The following DSE variants were observed in gnomAD, a reference collection of about 807,000 sequenced individuals.
DSE encodes dermatan-sulfate epimerase.
Under a neutral mutation model 84.4 loss-of-function variants are expected in DSE, and 36 were observed. The ratio of observed to expected loss-of-function variants is 0.43; its 90% CI spans 0.33 to 0.56. The LOEUF is 0.56. Ranked by LOEUF, DSE falls within the 20% of genes least tolerant of loss-of-function variation. The pLI, the probability that DSE is intolerant of heterozygous loss-of-function variation, is 0.06. For missense variants in DSE, 862 were observed against 1,169.6 expected (o/e 0.74, Z 3.84); for synonymous variants, 410 against 430.1 (o/e 0.95, Z 0.58).
At position 116,304,168 on chromosome 6, in the gene DSE, G is replaced by A. The variant is rs891845409; in HGVS notation, c.-54+45201G>A. Among the ~76,000 whole-genome samples the A allele has an allele frequency of 1.1e-4, 17 of 151,884 alleles. 1 individual carries two copies. The highest frequency in any genetic ancestry group is 4.1e-4 in the African/African-American group (17 of 41,376). On this transcript the variant is annotated intron_variant, in intron 2 of 3. Transcript: ENST00000430252. ...AAAAAAACAGAAACAGTGGGTCAGA[G>A]GAGGGGAAACGAAGGTCTCCTTAGT...
At chr6:116,398,839 G>A (rs1475364844) in intron 1 of DSE, among the ~76,000 whole-genome samples, 1 of 152,066 alleles carries the variant, frequency 6.6e-6, no homozygotes, top group African/African-American at 2.4e-5. Flanking sequence ...ACCAGCTTTT[G>A]GTTATTGTGG....
intron 2 of DSE, among the ~76,000 whole-genome samples, chr6:116,309,429 A>G (rs1370302190): frequency 6.6e-6 from 1 of 152,188 alleles, no homozygotes; most frequent in Non-Finnish European, 1.5e-5. Flanking sequence ...ATGTTTAACT[A>G]TGATGGTATT....
chr6:116,371,616 C>G (rs1323548149), intron 1 of DSE, among the ~76,000 whole-genome samples: 1 of 152,130 alleles, frequency 6.6e-6, no homozygotes, highest in Non-Finnish European at 1.5e-5. Context: ...CGCTGGCAAC[C>G]CTACTTTGCG....
intron 2 of DSE, among the ~76,000 whole-genome samples, chr6:116,264,934 GA>G (rs1772557234): frequency 6.6e-6 from 1 of 152,074 alleles, no homozygotes; most frequent in Non-Finnish European, 1.5e-5. Flanking sequence ...TCAAGGTTAG[GA>G]ATTCACTGTG....
At chr6:116,280,558 A>G (rs1773462798) in intron 2 of DSE, among the ~76,000 whole-genome samples, 1 of 152,258 alleles carries the variant, frequency 6.6e-6, no homozygotes, top group Non-Finnish European at 1.5e-5. Context: ...CACTGCAAGA[A>G]AGAGGAAATT....
chr6:116,282,931 T>A (rs552521372), intron 2 of DSE, among the ~76,000 whole-genome samples: 1 of 152,332 alleles, frequency 6.6e-6, no homozygotes, highest in South Asian at 2.1e-4. Context: ...TATTTTGCCA[T>A]ACAGGCAAAG....
intron 2 of DSE, among the ~76,000 whole-genome samples, chr6:116,404,290 A>G (rs1781780403): frequency 6.6e-6 from 1 of 152,232 alleles, no homozygotes; most frequent in African/African-American, 2.4e-5. Flanking sequence ...TAAGTTTACC[A>G]TATTTCACTT....
chr6:116,428,373 A>T (rs1051297017), intron 3 of DSE, among the ~76,000 whole-genome samples: 1 of 152,164 alleles, frequency 6.6e-6, no homozygotes, highest in African/African-American at 2.4e-5. Flanking sequence ...TTAAGCTACT[A>T]TAGTTTTATT....
chr6:116,424,744 G>A (rs1423960335), intron 2 of DSE, among the ~76,000 whole-genome samples: 1 of 152,190 alleles, frequency 6.6e-6, no homozygotes, highest in Non-Finnish European at 1.5e-5. Context: ...AAGAAAAGGG[G>A]AATTAAATAT....
At chr6:116,279,257 C>A in intron 2 of DSE, 1 of 1,607,602 alleles carries the variant, frequency 6.2e-7, no homozygotes, top group Non-Finnish European at 8.5e-7. Flanking sequence ...TGCTCCTCTA[C>A]CTCCATCTGC....
intron 1 of DSE, among the ~76,000 whole-genome samples, chr6:116,382,442 C>T (rs1227438498): frequency 6.6e-6 from 1 of 152,140 alleles, no homozygotes; most frequent in African/African-American, 2.4e-5. Context: ...TGGACATTGC[C>T]ATAAAGGGCT....
At position 116,444,641 on chromosome 6, in the gene DSE, A is replaced by T. The variant is rs1401868186; in HGVS notation, c.*7296A>T. 1 of 152,188 alleles carries T rather than the reference A, an allele frequency of 6.6e-6. No homozygotes were observed. The highest frequency in any genetic ancestry group is 1.5e-5 in the Non-Finnish European group (1 of 68,034). 9.4% of individuals were successfully genotyped at this position (152,188 alleles called of 1,614,324 possible). On this transcript the variant is annotated 3_prime_UTR_variant, in exon 6 of 6. Transcript: ENST00000644252. Reference sequence around the variant, plus strand: ...GATGTGGGGCCTTTGGAAAGTGATTAGGTTATGAAGGTGGAGCCCTCGTGA... The same window carrying T: ...GATGTGGGGCCTTTGGAAAGTGATTTGGTTATGAAGGTGGAGCCCTCGTGA...
At chr6:116,305,432 A>G (rs1366068243) in intron 2 of DSE, among the ~76,000 whole-genome samples, 2 of 152,244 alleles carry the variant, frequency 1.3e-5, no homozygotes, top group Non-Finnish European at 2.9e-5. Flanking sequence ...AGACTCAGGA[A>G]CTGTTCCAGA....
At position 116,399,616 on chromosome 6, in the gene DSE, C is replaced by T; in HGVS notation, c.366C>T (p.Ala122=). Residue 122 remains alanine (A), a synonymous_variant, in exon 2 of 6, where the codon GCC becomes GCT. Transcript: ENST00000644252. ...TGCTGTATCCTGAGAACATTGAAGC[C>T]CGAGACATGGCCAAAGACTACATGG... ...FCVLYPENIE[A]RDMAKDYMER... 6.2e-7 allele frequency: 1 copy of T among 1,614,166 alleles called. No homozygotes were observed. The highest frequency in any genetic ancestry group is 8.5e-7 in the Non-Finnish European group (1 of 1,180,032).
exon 2 of DSE, chr6:116,258,468 G>A (rs1000671520): frequency 1.0e-6 from 1 of 954,414 alleles, no homozygotes; most frequent in South Asian, 1.3e-5. Context: ...GGGCAGACAG[G>A]TTTATTGGGC....
At chr6:116,422,150 ATG>A (rs1562301202) in intron 2 of DSE, among the ~76,000 whole-genome samples, 1 of 152,196 alleles carries the variant, frequency 6.6e-6, no homozygotes, top group East Asian at 1.9e-4. Flanking sequence ...GTTATTTTGC[ATG>A]TGTGTTCACT....
chr6:116,399,494 C>A lies in DSE; in HGVS notation c.244C>A (p.Pro82Thr). 1 of 1,614,188 alleles carries A rather than the reference C, an allele frequency of 6.2e-7. No individual in the cohort carries two copies. ...GGCTGTGCACACGATGCTGTCCAGC[C>A]CCTTGGAATACCTCCCTCCCTGGGA... ...TEAVHTMLSS[P>T]LEYLPPWDPK... The change falls in exon 2 of 6, where the codon CCC becomes ACC. Residue 82 changes from proline to threonine, a missense_variant. Physicochemically the swap from Pro to Thr is conservative, Grantham distance 38 (BLOSUM62 -1). Around this residue, in one of 4 missense-constraint regions of DSE, gnomAD observed 309 missense variants for 516.9 expected, o/e 0.60. Transcript: ENST00000644252.
chr6:116,307,005 C>A (rs1386568186), intron 2 of DSE, among the ~76,000 whole-genome samples: 1 of 152,202 alleles, frequency 6.6e-6, no homozygotes, highest in African/African-American at 2.4e-5. Context: ...TTTGTTAGGG[C>A]AGCATGAGCA....
chr6:116,306,085 C>T (rs1408135446), intron 2 of DSE, among the ~76,000 whole-genome samples: 1 of 151,970 alleles, frequency 6.6e-6, no homozygotes, highest in Non-Finnish European at 1.5e-5. Flanking sequence ...TACACATACA[C>T]ATCCATATCA....
Sources: allele counts gnomAD v4.1 joint callset (sites outside exome capture counted in the v4.1 genomes callset), GRCh38; gene constraint gnomAD v4.1.1; regional missense constraint gnomAD v4.1.1; transcripts MANE v1.5; gene names NCBI Gene and HGNC (gene_info 2026-07-23, HGNC 2026-07-21).